Variants in AFF2 observed in about 807,000 individuals in gnomAD.
AFF2 encodes ALF transcription elongation factor 2.
AFF2 carries 14 observed loss-of-function variants against 76.9 expected under a neutral mutation model. The ratio of observed to expected loss-of-function variants is 0.18; its 90% CI spans 0.12 to 0.28. The LOEUF (loss-of-function observed/expected upper bound fraction) is 0.28, where lower values mean the gene tolerates loss of function less well. Ranked by LOEUF, AFF2 falls within the 10% of genes least tolerant of loss-of-function variation. AFF2 has a pLI of 1.00. For synonymous variants in AFF2, 398 were observed against 366.7 expected (o/e 1.09, Z -0.98); for missense variants, 868 against 1,001.1 (o/e 0.87, Z 1.79).
At chrX:148,713,660 C>T (rs782605812) in intron 3 of AFF2, among the ~76,000 whole-genome samples, 34 of 111,936 alleles carry the variant, frequency 3.0e-4, no homozygotes, top group Middle Eastern at 4.6e-3. Context: ...CTCTTCTATC[C>T]ATTGGCAGGA....
intron 3 of AFF2, among the ~76,000 whole-genome samples, chrX:148,713,307 G>C (rs935321946): frequency 9.0e-6 from 1 of 111,388 alleles, no homozygotes; most frequent in African/African-American, 3.3e-5. Context: ...GCCGTTGAAG[G>C]GTTTTGAGCA....
At chrX:148,906,960 G>A (rs1261129429) in intron 9 of AFF2, among the ~76,000 whole-genome samples, 1 of 111,451 alleles carries the variant, frequency 9.0e-6, no homozygotes, top group Non-Finnish European at 1.9e-5. Flanking sequence ...AACACTGTTC[G>A]CTGGGTTCCA....
intron 20 of AFF2, among the ~76,000 whole-genome samples, chrX:148,990,598 G>C (rs1221325180): frequency 1.6e-4 from 18 of 112,282 alleles, no homozygotes; most frequent in African/African-American, 5.2e-4. Context: ...AAATCAGCTG[G>C]GCATTCTTAC....
intron 3 of AFF2, among the ~76,000 whole-genome samples, chrX:148,735,122 C>T (rs1168893306): frequency 8.9e-6 from 1 of 111,984 alleles, no homozygotes; most frequent in African/African-American, 3.2e-5. Flanking sequence ...TTACATGTAT[C>T]TCAGGCTTTA....
In AFF2 at chrX:148,662,397, T is replaced by A. The variant is rs1438168791; in HGVS notation, c.670T>A (p.Ser224Thr). The change falls in exon 3 of 21, where the codon TCT becomes ACT. Residue 224 changes from serine (S) to threonine (T), a missense_variant. By Grantham distance (58) the Ser-to-Thr change is moderately conservative. Transcript: ENST00000370460. ...PSAKEDSNPN[S>T]SGEDAFKEIF... Reference sequence around the variant, plus strand: ...TGCAAAGGAAGACAGTAACCCTAATTCTAGTGGAGAAGATGCTTTCAAAGA... The same window carrying A: ...TGCAAAGGAAGACAGTAACCCTAATACTAGTGGAGAAGATGCTTTCAAAGA... 1.7e-6 allele frequency: 2 copies of A among 1,210,202 alleles called. No individual in the cohort carries two copies. The highest frequency in any genetic ancestry group is 3.5e-5 in the African/African-American group (2 of 57,196).
intron 1 of AFF2, among the ~76,000 whole-genome samples, chrX:148,570,050 T>C (rs1294107404): frequency 8.9e-6 from 1 of 111,804 alleles, no homozygotes; most frequent in Admixed American, 9.5e-5. Context: ...TTTCACATAA[T>C]TTTGATGGAT....
chrX:148,563,162 C>T (rs955588681), intron 1 of AFF2, among the ~76,000 whole-genome samples: 4 of 111,412 alleles, frequency 3.6e-5, no homozygotes, highest in African/African-American at 9.8e-5. Context: ...TAAAACGAGC[C>T]TTGTTAAGGA....
chrX:148,540,484 A>G (rs112584933), intron 1 of AFF2, among the ~76,000 whole-genome samples: 8,445 of 109,038 alleles, frequency 0.077, 644 homozygotes, highest in African/African-American at 0.23. Context: ...GGAAAAAAAT[A>G]TAATATAAAA....
chrX:148,899,143 C>A (rs1338727618), intron 8 of AFF2, among the ~76,000 whole-genome samples: 1 of 111,944 alleles, frequency 8.9e-6, no homozygotes, highest in Non-Finnish European at 1.9e-5. Context: ...GACATTTTGT[C>A]CTCTTAATCT....
intron 1 of AFF2, 101 bp downstream of exon 1, chrX:148,501,245 G>T: frequency 9.6e-7 from 1 of 1,040,717 alleles, no homozygotes; most frequent in South Asian, 2.0e-5. Context: ...CGTGGGGGGC[G>T]CCCCGGACTC....
rs782233679 is a variant in AFF2, at chrX:148,755,448, C to T, written c.1042-54428C>T. ...GGTTACACTAAATCACAAAGTGATG[C>T]GGGGGCGACAGGTTCTGCAGCAAGT... On this transcript the variant is annotated intron_variant, in intron 3 of 20. Transcript: ENST00000370460. Among the ~76,000 whole-genome samples, 11 of 111,378 alleles carry T rather than the reference C, an allele frequency of 9.9e-5. No individual in the cohort carries two copies. In the East Asian group the frequency reaches 2.0e-3, roughly 20 times the overall value.
Position 148,956,364 on chromosome X carries a change from T to C in AFF2, c.2319T>C (p.Asn773=), listed in dbSNP as rs2072039678. 1.7e-6 allele frequency: 2 copies of C among 1,209,853 alleles called. No homozygotes were observed. Among genetic ancestry groups the C allele is most frequent in the Admixed American group, 2.2e-5 (1 of 45,745 alleles). ...GCAACAACAACTTATCCATCAGTAATGAAGAGCCAACATTTTCACCTATTC... is the reference window on the plus strand; with the variant it reads ...GCAACAACAACTTATCCATCAGTAACGAAGAGCCAACATTTTCACCTATTC... The part of the protein sequence containing the change: ...SGSNNNLSIS[N]EEPTFSPIPV... The change falls in exon 11 of 21, where the codon AAT becomes AAC. Residue 773 remains asparagine (N), a synonymous_variant. Coordinates refer to ENST00000370460, the MANE Select transcript of AFF2 (RefSeq NM_002025.4).
intron 1 of AFF2, among the ~76,000 whole-genome samples, chrX:148,637,559 C>G (rs1308148615): frequency 8.9e-6 from 1 of 112,017 alleles, no homozygotes; most frequent in Non-Finnish European, 1.9e-5. Flanking sequence ...GCCACAGATA[C>G]AAGCCACATA....
intron 15 of AFF2, among the ~76,000 whole-genome samples, chrX:148,970,560 G>C (rs1557289396): frequency 8.9e-6 from 1 of 112,047 alleles, no homozygotes; most frequent in Admixed American, 9.5e-5. Flanking sequence ...CACTATAAAA[G>C]TGTCATGTAT....
chrX:148,806,862 C>T (rs1368819119), intron 3 of AFF2, among the ~76,000 whole-genome samples: 3 of 111,953 alleles, frequency 2.7e-5, no homozygotes, highest in Admixed American at 1.9e-4. Context: ...GTGCTAGGCA[C>T]GTAGGAAATA....
intron 1 of AFF2, among the ~76,000 whole-genome samples, chrX:148,574,107 TCCAA>T (rs782541721): frequency 5.4e-5 from 6 of 111,406 alleles, no homozygotes; most frequent in African/African-American, 2.0e-4. Context: ...ACCTGAATCA[TCCAA>T]AGAAAGAATA....
chrX:148,828,227 A>G (rs2070411909), intron 4 of AFF2, among the ~76,000 whole-genome samples: 1 of 112,361 alleles, frequency 8.9e-6, no homozygotes, highest in Non-Finnish European at 1.9e-5. Flanking sequence ...TAAGAATGTA[A>G]GAAACAATTT....
chrX:148,751,634 G>A (rs1055989997), intron 3 of AFF2, among the ~76,000 whole-genome samples: 3 of 111,810 alleles, frequency 2.7e-5, no homozygotes, highest in Non-Finnish European at 5.6e-5. Context: ...GATTGTGTGG[G>A]CATGTCAGTG....
chrX:148,773,730 G>GAAAGAAAGAAAGA lies in AFF2; in HGVS notation c.1042-36143_1042-36131dup, dbSNP rs2069629647. Among the ~76,000 whole-genome samples, 3 of 106,707 alleles carry GAAAGAAAGAAAGA rather than the reference G, an allele frequency of 2.8e-5. No individual in the cohort carries two copies. The East Asian group carries it at 8.7e-4, about 31-fold the overall frequency. 92.7% of individuals were successfully genotyped at this position (106,707 alleles called of 115,157 possible). On this transcript the variant is annotated intron_variant, in intron 3 of 20. Transcript: ENST00000370460. Reference sequence around the variant, plus strand: ...AGAAAGAAAGAAAGAAAGAAAGAAAGAAAGAAAGAAAGAAAGAGAAAGAAA... The same window carrying GAAAGAAAGAAAGA: ...AGAAAGAAAGAAAGAAAGAAAGAAAGAAAGAAAGAAAGAAAAGAAAGAAAGAAAGAGAAAGAAA...
Sources: gnomAD v4.1 joint callset for allele counts (sites outside exome capture counted in the v4.1 genomes callset) on GRCh38, gnomAD v4.1.1 for gene constraint, MANE v1.5 for transcripts, NCBI Gene and HGNC (gene_info 2026-07-23, HGNC 2026-07-21) for gene names.